Variants in MAPK4 observed in about 807,000 individuals in gnomAD.
MAPK4 encodes mitogen-activated protein kinase 4.
MAPK4 carries 22 observed loss-of-function variants against 47.7 expected under a neutral mutation model. That is an observed-to-expected ratio of 0.46 (90% CI 0.33 to 0.66). The LOEUF is 0.66. Ranked by LOEUF, MAPK4 falls within the 30% of genes least tolerant of loss-of-function variation. MAPK4 has a pLI of 0.02. For synonymous variants in MAPK4, 390 were observed against 365.7 expected (o/e 1.07, Z -0.76); for missense variants, 736 against 831.7 (o/e 0.88, Z 1.42).
intron 1 of MAPK4, among the ~76,000 whole-genome samples, chr18:50,576,064 A>G (rs1910669593): frequency 6.6e-6 from 1 of 152,192 alleles, no homozygotes; most frequent in Admixed American, 6.5e-5. Flanking sequence ...TAGTTCAGCC[A>G]TTGTGGGAGA....
intron 2 of MAPK4, among the ~76,000 whole-genome samples, chr18:50,703,511 A>G (rs1909896696): frequency 6.6e-6 from 1 of 152,170 alleles, no homozygotes; most frequent in Admixed American, 6.5e-5. Context: ...GTGCGCCTCC[A>G]TTCACACAGA....
rs567428035 is a variant in MAPK4, at chr18:50,674,264, A to G, written c.546+9760A>G. Reference sequence around the variant, plus strand: ...TCTATAGGCAGATATTCTTTGGTTTATATCGAAGAAGGATAATTAGAAAAT... The same window carrying G: ...TCTATAGGCAGATATTCTTTGGTTTGTATCGAAGAAGGATAATTAGAAAAT... On this transcript the variant is annotated intron_variant, in intron 2 of 5. Transcript: ENST00000400384. Among the ~76,000 whole-genome samples the G allele has an allele frequency of 2.6e-5, 4 of 152,358 alleles. No homozygotes were observed. The East Asian group carries it at 7.7e-4, about 29-fold the overall frequency.
At chr18:50,568,661 C>T (rs1942882428) in intron 1 of MAPK4, among the ~76,000 whole-genome samples, 2 of 152,156 alleles carry the variant, frequency 1.3e-5, no homozygotes, top group South Asian at 4.1e-4. Context: ...TTCTGGGAGA[C>T]TTTGTGGTGC....
At chr18:50,574,206 T>C (rs1356372420) in intron 1 of MAPK4, among the ~76,000 whole-genome samples, 3 of 152,228 alleles carry the variant, frequency 2.0e-5, no homozygotes, top group African/African-American at 4.8e-5. Flanking sequence ...CAATATAGGC[T>C]GTCTCTCTTT....
chr18:50,729,578 G>C lies in MAPK4; in HGVS notation c.1488G>C (p.Trp496Cys). ...GCCTCTTCCTGGAGATCGCGCAGTG[G>C]GTCAAGAGCACGCAGGGCGGCCCAG... Reference protein sequence around the residue: ...PASLFLEIAQWVKSTQGGPEH... With the variant: ...PASLFLEIAQCVKSTQGGPEH... Residue 496 changes from tryptophan (W) to cysteine (C), a missense_variant, in exon 6 of 6, where the codon TGG becomes TGC. Coordinates refer to ENST00000400384, the MANE Select transcript of MAPK4 (RefSeq NM_002747.4). 7.1e-7 allele frequency: 1 copy of C among 1,417,108 alleles called. No individual in the cohort carries two copies. The highest frequency in any genetic ancestry group is 1.6e-5 in the South Asian group (1 of 61,560). 87.8% of individuals were successfully genotyped at this position (1,417,108 alleles called of 1,614,324 possible). A position where few individuals can be genotyped will look rare whatever the true frequency, so the allele number is the denominator to read the frequency against.
At chr18:50,696,162 G>C (rs574773070) in intron 2 of MAPK4, among the ~76,000 whole-genome samples, 1 of 151,798 alleles carries the variant, frequency 6.6e-6, no homozygotes, top group Non-Finnish European at 1.5e-5. Context: ...CCCTGTGCTG[G>C]AGCTCCCAAG....
intron 1 of MAPK4, among the ~76,000 whole-genome samples, chr18:50,600,809 G>GAA (rs562863530): frequency 6.9e-6 from 1 of 145,768 alleles, no homozygotes; most frequent in African/African-American, 2.5e-5. Flanking sequence ...TTTAAAAAGT[G>GAA]AAAAAAAAAA....
chr18:50,658,271 A>G (rs1386751008), intron 1 of MAPK4, among the ~76,000 whole-genome samples: 1 of 152,154 alleles, frequency 6.6e-6, no homozygotes. Context: ...TGCCTACCCC[A>G]CATTTTTCCC....
chr18:50,588,060 C>A (rs1292618074), intron 1 of MAPK4, among the ~76,000 whole-genome samples: 1 of 152,108 alleles, frequency 6.6e-6, no homozygotes. Flanking sequence ...CAGTATTTCT[C>A]AGTGTCTTTT....
chr18:50,688,888 A>AT (rs199851563), intron 2 of MAPK4, among the ~76,000 whole-genome samples: 2,608 of 108,536 alleles, frequency 0.024, 37 homozygotes, highest in South Asian at 0.045. Flanking sequence ...ACCTATGGAA[A>AT]TAAAAAAAAA....
intron 1 of MAPK4, among the ~76,000 whole-genome samples, chr18:50,575,792 C>CAAAAAAAAAAAAAAAAAAAAACA (rs2042290778): frequency 1.4e-5 from 1 of 70,130 alleles, no homozygotes; most frequent in African/African-American, 5.7e-5. Flanking sequence ...AATCAACAAG[C>CAAAAAAAAAAAAAAAAAAAAACA]AAAAAAAAAA....
intron 2 of MAPK4, among the ~76,000 whole-genome samples, chr18:50,684,946 G>T (rs930912804): frequency 6.6e-6 from 1 of 152,178 alleles, no homozygotes; most frequent in Non-Finnish European, 1.5e-5. Flanking sequence ...CCCCATCTTT[G>T]TTCACCTGGC....
At chr18:50,672,318 C>T (rs984718986) in intron 2 of MAPK4, among the ~76,000 whole-genome samples, 1 of 152,180 alleles carries the variant, frequency 6.6e-6, no homozygotes, top group Non-Finnish European at 1.5e-5. Context: ...AGGTCACTTT[C>T]TTCTGAAGCC....
At chr18:50,603,780 T>C (rs2042560806) in intron 1 of MAPK4, among the ~76,000 whole-genome samples, 2 of 152,246 alleles carry the variant, frequency 1.3e-5, no homozygotes, top group African/African-American at 4.8e-5. Flanking sequence ...TCTTAACAGG[T>C]GGGTTCATTG....
At chr18:50,721,859 C>A in intron 3 of MAPK4, 79 bp from the exon 4 acceptor site, 1 of 1,460,198 alleles carries the variant, frequency 6.8e-7, no homozygotes, top group Non-Finnish European at 9.5e-7. Flanking sequence ...CCTCCCAGAA[C>A]ACCTGGCACT....
intron 3 of MAPK4, among the ~76,000 whole-genome samples, chr18:50,719,141 A>C (rs1475371350): frequency 6.6e-6 from 1 of 151,800 alleles, no homozygotes; most frequent in Non-Finnish European, 1.5e-5. Flanking sequence ...GATGAAGCTG[A>C]AGTCAGGGCT....
chr18:50,595,973 G>A (rs2042478385), intron 1 of MAPK4, among the ~76,000 whole-genome samples: 2 of 152,132 alleles, frequency 1.3e-5, no homozygotes, highest in South Asian at 4.1e-4. Context: ...CTCAGTGGGT[G>A]TCTATATGCA....
intron 2 of MAPK4, among the ~76,000 whole-genome samples, chr18:50,681,119 T>C (rs1483488378): frequency 6.6e-6 from 1 of 152,068 alleles, no homozygotes; most frequent in Non-Finnish European, 1.5e-5. Flanking sequence ...TGTGAAGTGG[T>C]GTTTCATTGT....
intron 1 of MAPK4, among the ~76,000 whole-genome samples, chr18:50,657,370 A>C (rs2043120947): frequency 6.6e-6 from 1 of 152,204 alleles, no homozygotes; most frequent in South Asian, 2.1e-4. Flanking sequence ...CGCTATTGGC[A>C]TTTAGTGGGT....
Sources: allele counts gnomAD v4.1 joint callset (sites outside exome capture counted in the v4.1 genomes callset), GRCh38; gene constraint gnomAD v4.1.1; transcripts MANE v1.5; gene names NCBI Gene and HGNC (gene_info 2026-07-23, HGNC 2026-07-21).